The following FNDC3A variants were observed in gnomAD, a reference collection of about 807,000 sequenced individuals.
FNDC3A encodes fibronectin type-III domain-containing protein 3A.
FNDC3A carries 32 observed loss-of-function variants against 148.9 expected under a neutral mutation model. The observed-to-expected ratio is 0.21, with a 90% CI of 0.16 to 0.29. The LOEUF (loss-of-function observed/expected upper bound fraction) is 0.29, where lower values mean the gene tolerates loss of function less well. Among genes scored for constraint, FNDC3A ranks in the 10% least tolerant of loss-of-function variants. The pLI, the probability that FNDC3A is intolerant of heterozygous loss-of-function variation, is 1.00. For synonymous variants in FNDC3A, 472 were observed against 473.6 expected, an observed-to-expected ratio of 1.00 and a Z score of 0.04; for missense variants, 1,191 against 1,452.8, an observed-to-expected ratio of 0.82 and a Z score of 2.93.
At chr13:49,001,831 G>A (rs1390377086) in intron 1 of FNDC3A, among the ~76,000 whole-genome samples, 7 of 152,128 alleles carry the variant, frequency 4.6e-5, no homozygotes, top group South Asian at 2.1e-4. Flanking sequence ...TTTTAATTTC[G>A]CCCCAGTCCT....
intron 7 of FNDC3A, among the ~76,000 whole-genome samples, chr13:49,144,146 C>G (rs1882860189): frequency 6.6e-6 from 1 of 151,744 alleles, no homozygotes; most frequent in South Asian, 2.1e-4. Context: ...CCCATAAAAT[C>G]AAGAGACACT....
At chr13:49,004,107 A>G (rs911262350) in intron 1 of FNDC3A, among the ~76,000 whole-genome samples, 3 of 152,144 alleles carry the variant, frequency 2.0e-5, no homozygotes, top group African/African-American at 7.2e-5. Flanking sequence ...CAAATGTTAC[A>G]TTATAAAAAT....
chr13:49,135,105 T>A (rs933879404), intron 5 of FNDC3A, among the ~76,000 whole-genome samples: 1 of 152,056 alleles, frequency 6.6e-6, no homozygotes, highest in African/African-American at 2.4e-5. Context: ...TCCACCTGCC[T>A]CACCCTCCCA....
chr13:49,158,494 G>T lies in FNDC3A; in HGVS notation c.978-8750G>T, dbSNP rs568803212. On this transcript the variant is annotated intron_variant, in intron 8 of 25. Transcript: ENST00000492622. Reference sequence around the variant, plus strand: ...ATCACCAGTCTTCTGCGTCGCTCACGCTGGGAGCTGTAGACCGGAGCTGTT... The same window carrying T: ...ATCACCAGTCTTCTGCGTCGCTCACTCTGGGAGCTGTAGACCGGAGCTGTT... Among the ~76,000 whole-genome samples the T allele has an allele frequency of 2.8e-4, 42 of 152,288 alleles. 1 individual carries two copies. The highest frequency in any genetic ancestry group is 3.4e-3 in the Middle Eastern group (1 of 294).
Position 49,076,633 on chromosome 13 carries a change from C to A in FNDC3A, c.175+1269C>A, listed in dbSNP as rs147084200. Among the ~76,000 whole-genome samples the A allele has an allele frequency of 5.2e-3, 792 of 152,068 alleles. 6 individuals are homozygous for A. The highest frequency in any genetic ancestry group is 0.018 in the African/African-American group (756 of 41,448). ...GATCATTGTGAAGGTTCCTGATACA[C>A]GGGTAATGTACTCTAAACCAGCCTG... On this transcript the variant is annotated intron_variant, in intron 3 of 25. Transcript: ENST00000492622.
intron 8 of FNDC3A, among the ~76,000 whole-genome samples, chr13:49,147,593 T>C (rs1337404076): frequency 6.6e-6 from 1 of 152,122 alleles, no homozygotes; most frequent in Non-Finnish European, 1.5e-5. Context: ...TAATATTCTG[T>C]TGTGTATATA....
chr13:49,141,822 A>G (rs1041141262), intron 7 of FNDC3A, among the ~76,000 whole-genome samples: 5 of 152,100 alleles, frequency 3.3e-5, no homozygotes, highest in African/African-American at 7.2e-5. Flanking sequence ...TCCTGTTACC[A>G]TCTTTATCAG....
chr13:48,990,378 ACTAT>A (rs1361387391), intron 1 of FNDC3A, among the ~76,000 whole-genome samples: 1 of 152,026 alleles, frequency 6.6e-6, no homozygotes, highest in Admixed American at 6.6e-5. Context: ...GGAAGTGGTA[ACTAT>A]CTGGGCAAAT....
At chr13:49,140,949 G>A (rs1451952233) in intron 7 of FNDC3A, among the ~76,000 whole-genome samples, 2 of 152,148 alleles carry the variant, frequency 1.3e-5, no homozygotes, top group African/African-American at 4.8e-5. Context: ...GGACAGGGGT[G>A]GAAAGTGTGG....
chr13:49,114,513 C>A, intron 3 of FNDC3A, 142 bp from the exon 4 acceptor site: 1 of 385,096 alleles, frequency 2.6e-6, no homozygotes, highest in Non-Finnish European at 5.1e-6. Context: ...ACAAGTCAAT[C>A]ATCTGAATTT....
chr13:49,011,882 T>C (rs4942796), intron 2 of FNDC3A, among the ~76,000 whole-genome samples: 88,990 of 152,098 alleles, frequency 0.59, 27,498 homozygotes, highest in Non-Finnish European at 0.68. Context: ...CTAAAAACTA[T>C]ACTTTCGCGT....
chr13:49,006,400 A>G (rs568110607), intron 2 of FNDC3A, 111 bp downstream of exon 2: 9 of 498,118 alleles, frequency 1.8e-5, no homozygotes, highest in South Asian at 1.1e-4. Context: ...TAAATTCCCA[A>G]TTCAAAATGT....
intron 2 of FNDC3A, among the ~76,000 whole-genome samples, chr13:49,012,819 G>GTGTGTGTGTGTGTC (rs1952381142): frequency 6.6e-6 from 1 of 151,198 alleles, no homozygotes; most frequent in African/African-American, 2.4e-5. Flanking sequence ...GTGTGTGTGT[G>GTGTGTGTGTGTGTC]TGTGTGTGTG....
intron 1 of FNDC3A, among the ~76,000 whole-genome samples, chr13:48,982,553 A>G (rs192752923): frequency 1.3e-5 from 2 of 152,316 alleles, no homozygotes; most frequent in African/African-American, 4.8e-5. Flanking sequence ...TGTAGGGGCT[A>G]CTGCCCCTCT....
intron 4 of FNDC3A, among the ~76,000 whole-genome samples, chr13:49,127,938 G>A (rs1412668401): frequency 6.6e-6 from 1 of 151,834 alleles, no homozygotes; most frequent in Admixed American, 6.6e-5. Flanking sequence ...CTGGAGTGCA[G>A]CAGCACAGTC....
intron 2 of FNDC3A, among the ~76,000 whole-genome samples, chr13:49,013,473 C>T (rs1398927637): frequency 6.7e-6 from 1 of 149,994 alleles, no homozygotes; most frequent in Non-Finnish European, 1.5e-5. Context: ...TACATATGTA[C>T]ACGTGTATAC....
chr13:49,054,157 A>C (rs762808542), intron 2 of FNDC3A, among the ~76,000 whole-genome samples: 1 of 152,198 alleles, frequency 6.6e-6, no homozygotes, highest in Non-Finnish European at 1.5e-5. Flanking sequence ...TTTCAGGTTC[A>C]GTTGGGTCCT....
chr13:49,081,943 T>G (rs146255153), intron 3 of FNDC3A, among the ~76,000 whole-genome samples: 2 of 151,354 alleles, frequency 1.3e-5, no homozygotes, highest in Admixed American at 1.3e-4. Flanking sequence ...TCTAGGGCTT[T>G]CTTTTGAGCC....
chr13:49,106,954 ATT>A (rs755616955), intron 3 of FNDC3A, among the ~76,000 whole-genome samples: 8 of 152,124 alleles, frequency 5.3e-5, no homozygotes, highest in Non-Finnish European at 1.2e-4. Flanking sequence ...GATATATGTG[ATT>A]TTTTTGTAGG....
Sources: gnomAD v4.1 joint callset for allele counts (sites outside exome capture counted in the v4.1 genomes callset) on GRCh38, gnomAD v4.1.1 for gene constraint, MANE v1.5 for transcripts, NCBI Gene and HGNC (gene_info 2026-07-23, HGNC 2026-07-21) for gene names.